The following SULT1A1 variants were observed in gnomAD, a reference collection of about 807,000 sequenced individuals.
The protein encoded by SULT1A1 is sulfotransferase family 1A member 1, also known as sulfotransferase 1A1.
A neutral mutation model predicts 36.8 loss-of-function variants in SULT1A1; 35 were observed. The observed-to-expected ratio is 0.95, with a 90% CI of 0.73 to 1.26. SULT1A1 has a LOEUF of 1.26. Ranked by LOEUF, SULT1A1 falls within the 50% of genes most tolerant of loss-of-function variation. The pLI, the probability that SULT1A1 is intolerant of heterozygous loss-of-function variation, is 0.00. For synonymous variants in SULT1A1, 119 were observed against 146.0 expected (o/e 0.82, Z 1.33); for missense variants, 309 against 383.0 (o/e 0.81, Z 1.61).
At chr16:28,606,655 C>T (rs1307531051) in intron 6 of SULT1A1, 106 bp downstream of exon 6, 1 of 1,522,738 alleles carries the variant, frequency 6.6e-7, no homozygotes. Context: ...GAATCTGGTC[C>T]TGCTGTGGGG....
At chr16:28,609,908 G>C in intron 1 of SULT1A1, 23 bp downstream of exon 1, 9 of 1,279,888 alleles carry the variant, frequency 7.0e-6, no homozygotes, top group Non-Finnish European at 9.1e-6. Flanking sequence ...GGGCGCCCTG[G>C]GCCGTTCCAC....
rs748764076 is a variant in SULT1A1, at chr16:28,608,512, G to A, written c.240C>T (p.Pro80=). Residue 80 remains proline, a synonymous_variant, in exon 3 of 8, where the codon CCC becomes CCT. Transcript: ENST00000314752. ...TCCCTGGGGCTTTGAACTCAAGGAA[G>A]GGCACCCGCATGAAGATGGGAGCTC... is the stretch of plus-strand genomic sequence containing the variant. ...CHRAPIFMRV[P]FLEFKAPGIP... 3 of 1,612,328 alleles carry A rather than the reference G, an allele frequency of 1.9e-6. No homozygotes were observed. Among genetic ancestry groups the A allele is most frequent in the African/African-American group, 1.3e-5 (1 of 74,858 alleles).
At chr16:28,610,117 G>A (rs1355100260), upstream of SULT1A1, 9 of 1,285,366 alleles carry the variant, frequency 7.0e-6, no homozygotes, top group East Asian at 3.3e-4. Context: ...GGGTGGGGGA[G>A]CTTCTCCATT....
At chr16:28,608,144 C>A in intron 4 of SULT1A1, 147 bp downstream of exon 4, 6 of 1,200,810 alleles carry the variant, frequency 5.0e-6, no homozygotes, top group Non-Finnish European at 7.0e-6. Context: ...CCCGCCACCA[C>A]ACCCGGCTAA....
chr16:28,605,717 A>T lies in SULT1A1; in HGVS notation c.*104T>A. The stretch of plus-strand genomic sequence containing the variant: ...TCAGCCTCCAAATTGCTGGGATTAC[A>T]GACATGACCTACCGTCCCGGGCCCT... On this transcript the variant is annotated 3_prime_UTR_variant, in exon 8 of 8. Coordinates refer to ENST00000314752, the MANE Select transcript of SULT1A1 (RefSeq NM_001055.4). The T allele has an allele frequency of 6.4e-7, 1 of 1,559,148 alleles. No homozygotes were observed.
In SULT1A1 at chr16:28,608,275, C is replaced by A. The variant is rs778209433; in HGVS notation, c.372+16G>T. ...GTGCTGGGATTATGGATGTGAAACA[C>A]TGTGCCCTGCCTCACCTTGACCTTC... On this transcript the variant is annotated intron_variant, in intron 4 of 7. Coordinates refer to ENST00000314752, the MANE Select transcript of SULT1A1 (RefSeq NM_001055.4). 1.2e-6 allele frequency: 2 copies of A among 1,611,718 alleles called. No homozygotes were observed. The highest frequency in any genetic ancestry group is 2.2e-5 in the South Asian group (2 of 90,988).
chr16:28,615,538 G>A (rs376650117), intron 2 of SULT1A1, among the ~76,000 whole-genome samples: 39 of 149,628 alleles, frequency 2.6e-4, no homozygotes, highest in East Asian at 1.6e-3. Flanking sequence ...GGCCAACCCC[G>A]AGACAGACCC....
At chr16:28,610,136 T>C (rs112411210), upstream of SULT1A1, 22 of 1,285,938 alleles carry the variant, frequency 1.7e-5, no homozygotes, top group South Asian at 2.1e-4. Context: ...TTACCCTCCT[T>C]AGTGTGCCAG....
chr16:28,611,186 G>T (rs1386699717), upstream of SULT1A1: 1 of 152,170 alleles, frequency 6.6e-6, no homozygotes, highest in African/African-American at 2.4e-5. Context: ...ACCCACACGG[G>T]GTGACACAGA....
At chr16:28,609,440 T>A in intron 1 of SULT1A1, 1 of 1,259,510 alleles carries the variant, frequency 7.9e-7, no homozygotes. Context: ...CCAGAGCTGC[T>A]GTGGGAATGA....
chr16:28,621,180 C>T (rs8048786), intron 1 of SULT1A1, among the ~76,000 whole-genome samples: 136,967 of 151,624 alleles, frequency 0.9, 63,503 homozygotes, highest in East Asian at 1. Context: ...TCATTTGTAA[C>T]ATGAGAGTAA....
chr16:28,608,561 C>T lies in SULT1A1; in HGVS notation c.191G>A (p.Gly64Asp), dbSNP rs140547099. 3 of 1,612,276 alleles carry T rather than the reference C, an allele frequency of 1.9e-6. No individual in the cohort carries two copies. Among genetic ancestry groups the T allele is most frequent in the African/African-American group, 2.7e-5 (2 of 74,874 alleles). Reference protein sequence around the residue: ...VSQILDMIYQGGDLEKCHRAP... With the variant: ...VSQILDMIYQDGDLEKCHRAP... Reference sequence around the variant, plus strand: ...TCGGTGACACTTCTCCAGGTCACCACCCTGGTAGATCATGTCCAGAATCTG... The same window carrying T: ...TCGGTGACACTTCTCCAGGTCACCATCCTGGTAGATCATGTCCAGAATCTG... The change falls in exon 3 of 8, where the codon GGT becomes GAT. Residue 64 changes from glycine (G) to aspartate (D), a missense_variant. Transcript: ENST00000314752.
At chr16:28,607,428 C>T (rs2047247760) in intron 4 of SULT1A1, 1 of 253,596 alleles carries the variant, frequency 3.9e-6, no homozygotes, top group Admixed American at 4.9e-5. Flanking sequence ...GTCTTACGTT[C>T]TTGGTCATCA....
chr16:28,617,613 C>T (rs1447108529), intron 2 of SULT1A1, among the ~76,000 whole-genome samples: 1 of 151,992 alleles, frequency 6.6e-6, no homozygotes, highest in African/African-American at 2.4e-5. Context: ...ACGATCTCAG[C>T]TCACTGCAAC....
In SULT1A1 at chr16:28,620,929, G is replaced by A. The variant is rs75269901; in HGVS notation, c.68-796C>T. On this transcript the variant is annotated intron_variant, in intron 1 of 5. Coordinates refer to the SULT1A1 transcript ENST00000350842. ...AGTTCGAGACCAGCCTGACCAACACGGAGAAACCCCGTCTCTACTAAAAAT... is the reference window on the plus strand; with the variant it reads ...AGTTCGAGACCAGCCTGACCAACACAGAGAAACCCCGTCTCTACTAAAAAT... Among the ~76,000 whole-genome samples, 2,500 of 152,106 alleles carry A rather than the reference G, an allele frequency of 0.016. 107 individuals are homozygous for A. The South Asian group carries it at 0.19, about 12-fold the overall frequency.
At chr16:28,614,601 A>G (rs1267779990), upstream of SULT1A1, 1 of 129,726 alleles carries the variant, frequency 7.7e-6, no homozygotes, top group East Asian at 2.0e-4. Flanking sequence ...TTGTATTTCT[A>G]TTACAGACGG....
chr16:28,607,305 G>A (rs1474034343), intron 4 of SULT1A1: 41 of 749,230 alleles, frequency 5.5e-5, no homozygotes, highest in East Asian at 1.2e-4. Context: ...GCATCAATGC[G>A]TCACACCCCA....
rs767919405 is a variant in SULT1A1, at chr16:28,608,649, C to T, written c.149-46G>A. Reference sequence around the variant, plus strand: ...GAGGTGAGCAGGCTGAGGGCACGACCTCGCTGGCCAAGGTGGGGACTGCCA... The same window carrying T: ...GAGGTGAGCAGGCTGAGGGCACGACTTCGCTGGCCAAGGTGGGGACTGCCA... On this transcript the variant is annotated intron_variant, in intron 2 of 7. Transcript: ENST00000314752. 5.7e-5 allele frequency: 92 copies of T among 1,611,224 alleles called. No individual in the cohort carries two copies. The East Asian group carries it at 2.1e-3, about 36-fold the overall frequency.
Position 28,609,205 on chromosome 16 carries a change from C to G in SULT1A1, c.-4-346G>C, listed in dbSNP as rs1273714915. 3.0e-5 allele frequency: 39 copies of G among 1,310,546 alleles called. 1 individual carries two copies. In the East Asian group the frequency reaches 1.3e-3, roughly 43 times the overall value. The allele number at this position is 1,310,546 out of a possible 1,614,324, so 81.2% of individuals were successfully genotyped here. On this transcript the variant is annotated intron_variant, in intron 1 of 7. Transcript: ENST00000314752. ...CAGCTGCACTGAGGAAGCTCTAGGA[C>G]CTTCCTGTGCTGTCTCCCTGCCAGC...
Sources: allele counts gnomAD v4.1 joint callset (sites outside exome capture counted in the v4.1 genomes callset), GRCh38; gene constraint gnomAD v4.1.1; transcripts MANE v1.5; gene names NCBI Gene and HGNC (gene_info 2026-07-23, HGNC 2026-07-21).